The following VEPH1 variants were observed in gnomAD, a reference collection of about 807,000 sequenced individuals.
VEPH1 encodes the protein ventricular zone expressed PH domain containing 1.
In VEPH1, 80 loss-of-function variants were observed where a neutral mutation model predicts 85.2. The ratio of observed to expected loss-of-function variants is 0.94; its 90% CI spans 0.78 to 1.13. The LOEUF (loss-of-function observed/expected upper bound fraction) is 1.13, where lower values mean the gene tolerates loss of function less well. Ranked by LOEUF, VEPH1 falls within the 50% of genes most tolerant of loss-of-function variation. VEPH1 has a pLI of 0.00. For synonymous variants in VEPH1, 297 were observed against 348.0 expected (o/e 0.85, Z 1.63); for missense variants, 955 against 980.5 (o/e 0.97, Z 0.35).
At chr3:157,456,308 A>T (rs1422751730) in intron 4 of VEPH1, among the ~76,000 whole-genome samples, 1 of 151,762 alleles carries the variant, frequency 6.6e-6, no homozygotes, top group African/African-American at 2.4e-5. Flanking sequence ...CATCCTCTAG[A>T]TTGTTCACTC....
At chr3:157,412,364 G>T (rs1027476578) in intron 6 of VEPH1, among the ~76,000 whole-genome samples, 1 of 152,076 alleles carries the variant, frequency 6.6e-6, no homozygotes, top group African/African-American at 2.4e-5. Flanking sequence ...CATCTTCCAT[G>T]GGAGTTTAGT....
intron 12 of VEPH1, among the ~76,000 whole-genome samples, chr3:157,269,642 G>GTTGT (rs1714254104): frequency 5.2e-5 from 6 of 115,418 alleles, no homozygotes; most frequent in Non-Finnish European, 1.0e-4. Context: ...TGTTTTTGTT[G>GTTGT]TTTTTTTTTT....
chr3:157,499,243 C>G (rs1006185694), intron 1 of VEPH1, among the ~76,000 whole-genome samples: 2 of 139,046 alleles, frequency 1.4e-5, no homozygotes, highest in African/African-American at 5.5e-5. Context: ...CCCACCTTCT[C>G]ATTATTTAGT....
intron 7 of VEPH1, 144 bp from the exon 8 acceptor site, chr3:157,364,656 G>A (rs1726435211): frequency 1.4e-6 from 1 of 733,432 alleles, no homozygotes; most frequent in Non-Finnish European, 2.2e-6. Context: ...AGTATTTACT[G>A]CAGGCATAGG....
chr3:157,470,402 C>T lies in VEPH1; in HGVS notation c.266G>A (p.Cys89Tyr). 1 of 1,614,114 alleles carries T rather than the reference C, an allele frequency of 6.2e-7. No homozygotes were observed. Residue 89 changes from cysteine (C) to tyrosine (Y), a missense_variant, in exon 3 of 14, where the codon TGC becomes TAC. Cys to Tyr is a radical substitution (Grantham distance 194, BLOSUM62 -2). Coordinates refer to ENST00000362010, the MANE Select transcript of VEPH1 (RefSeq NM_001167912.2). Reference sequence around the variant, plus strand: ...AAAGGGTCTCAGGTTATGTTCCAAGCAGGAGTCCCAGAGCCCCACAAGGGC... The same window carrying T: ...AAAGGGTCTCAGGTTATGTTCCAAGTAGGAGTCCCAGAGCCCCACAAGGGC... ...AKALVGLWDS[C>Y]LEHNLRPFGK...
intron 9 of VEPH1, among the ~76,000 whole-genome samples, chr3:157,335,063 TTATC>T (rs1442638108): frequency 6.6e-6 from 1 of 152,220 alleles, no homozygotes; most frequent in Non-Finnish European, 1.5e-5. Context: ...CTTTTTAAAA[TTATC>T]TATCACCTTC....
chr3:157,436,289 T>A (rs1030904791), intron 4 of VEPH1, among the ~76,000 whole-genome samples: 1 of 146,856 alleles, frequency 6.8e-6, no homozygotes, highest in Admixed American at 6.9e-5. Flanking sequence ...AAAAAAAAAA[T>A]TATCTATAAA....
At chr3:157,448,711 T>G (rs987694624) in intron 4 of VEPH1, among the ~76,000 whole-genome samples, 1 of 152,240 alleles carries the variant, frequency 6.6e-6, no homozygotes, top group Non-Finnish European at 1.5e-5. Context: ...AAAACAACTT[T>G]CTTTTCTAAA....
At chr3:157,307,516 C>G (rs1719644103) in intron 11 of VEPH1, among the ~76,000 whole-genome samples, 1 of 151,876 alleles carries the variant, frequency 6.6e-6, no homozygotes, top group Admixed American at 6.6e-5. Flanking sequence ...ATTTTACTTT[C>G]TCTTCGCTGA....
chr3:157,371,322 A>G (rs925036063), intron 7 of VEPH1, among the ~76,000 whole-genome samples: 2 of 152,238 alleles, frequency 1.3e-5, no homozygotes, highest in East Asian at 1.9e-4. Context: ...ATTTCCTGAA[A>G]TTAGAATGAA....
At chr3:157,464,810 C>G (rs368253302) in intron 3 of VEPH1, among the ~76,000 whole-genome samples, 1 of 152,136 alleles carries the variant, frequency 6.6e-6, no homozygotes, top group South Asian at 2.1e-4. Context: ...GGCTCTTAGG[C>G]CTTGAATTCA....
At chr3:157,303,293 C>T (rs1215034739) in intron 11 of VEPH1, among the ~76,000 whole-genome samples, 1 of 152,162 alleles carries the variant, frequency 6.6e-6, no homozygotes, top group African/African-American at 2.4e-5. Context: ...TTATCTTTTA[C>T]AGTATCTATC....
chr3:157,376,452 T>C (rs1375837463), intron 7 of VEPH1, among the ~76,000 whole-genome samples: 1 of 152,334 alleles, frequency 6.6e-6, no homozygotes, highest in South Asian at 2.1e-4. Flanking sequence ...AGATAGGACT[T>C]GCACGGTATT....
In VEPH1 at chr3:157,364,417, T is replaced by G. The variant is rs1414098059; in HGVS notation, c.1223A>C (p.Lys408Thr). 3.1e-6 allele frequency: 5 copies of G among 1,613,956 alleles called. No homozygotes were observed. Among genetic ancestry groups the G allele is most frequent in the Non-Finnish European group, 4.2e-6 (5 of 1,179,970 alleles). The change falls in exon 8 of 14, where the codon AAA (lysine) becomes ACA (threonine). Residue 408 changes from lysine to threonine, a missense_variant. Coordinates refer to ENST00000362010, the MANE Select transcript of VEPH1 (RefSeq NM_001167912.2). The stretch of plus-strand genomic sequence containing the variant: ...TATCTTGTCTTCAAAAGCCTGGATT[T>G]TAACTTGGAGTTTTTCATGGTCTTC... ...ENEDHEKLQV[K>T]IQAFEDKINA...
rs776376981 is a variant in VEPH1, at chr3:157,495,260, G to A, written c.90C>T (p.Asp30=). 5.3e-5 allele frequency: 85 copies of A among 1,613,906 alleles called. No homozygotes were observed. Among genetic ancestry groups the A allele is most frequent in the Non-Finnish European group, 6.2e-5 (73 of 1,179,928 alleles). The part of the protein sequence containing the change: ...LFSLDDSEIE[D]SLTEALEQIK... ...TTTGCTCCAAAGCTTCTGTAAGGCT[G>A]TCTTCAATCTCAGAGTCATCTAAGG... is the stretch of plus-strand genomic sequence containing the variant. The change falls in exon 2 of 14, where the codon GAC becomes GAT. Residue 30 remains aspartate (D), a synonymous_variant. Transcript: ENST00000362010.
chr3:157,339,764 G>A (rs769734473), intron 9 of VEPH1, among the ~76,000 whole-genome samples: 7 of 152,118 alleles, frequency 4.6e-5, no homozygotes, highest in Non-Finnish European at 1.0e-4. Flanking sequence ...TTGAAAAAGA[G>A]AAGGGGAATT....
chr3:157,369,911 C>T (rs1727294912), intron 7 of VEPH1, among the ~76,000 whole-genome samples: 2 of 152,102 alleles, frequency 1.3e-5, no homozygotes, highest in African/African-American at 4.8e-5. Context: ...TGTGTTTACT[C>T]ATAGAGTGGT....
chr3:157,419,136 G>A (rs2109063087), intron 5 of VEPH1, among the ~76,000 whole-genome samples: 1 of 152,160 alleles, frequency 6.6e-6, no homozygotes, highest in South Asian at 2.1e-4. Flanking sequence ...ATATGCAGAA[G>A]ACTGAAATAG....
At chr3:157,469,884 A>G (rs1446535663) in intron 3 of VEPH1, among the ~76,000 whole-genome samples, 1 of 152,186 alleles carries the variant, frequency 6.6e-6, no homozygotes, top group Admixed American at 6.5e-5. Context: ...ACATATAGAA[A>G]TATGTCTGAA....
Sources: gnomAD v4.1 joint callset for allele counts (sites outside exome capture counted in the v4.1 genomes callset) on GRCh38, gnomAD v4.1.1 for gene constraint, MANE v1.5 for transcripts, NCBI Gene and HGNC (gene_info 2026-07-23, HGNC 2026-07-21) for gene names.